KCNJ6: variants seen among roughly 807,000 people sequenced by gnomAD.
KCNJ6 encodes the protein potassium inwardly rectifying channel subfamily J member 6.
KCNJ6 carries 9 observed loss-of-function variants against 34.2 expected under a neutral mutation model. That is an observed-to-expected ratio of 0.26 (90% CI 0.16 to 0.46). KCNJ6 has a LOEUF of 0.46. KCNJ6 is among the 20% of genes least tolerant of loss of function. KCNJ6 has a pLI of 1.00. For synonymous variants in KCNJ6, 196 were observed against 207.1 expected (o/e 0.95, Z 0.46); for missense variants, 236 against 531.3 (o/e 0.44, Z 5.46).
At chr21:37,755,050 G>A (rs1026440873) in intron 2 of KCNJ6, among the ~76,000 whole-genome samples, 18 of 152,324 alleles carry the variant, frequency 1.2e-4, no homozygotes, top group Middle Eastern at 3.4e-3. Context: ...GGCTCTGGAA[G>A]CTGGCCTGAG....
At chr21:37,745,015 A>G (rs1480438398) in intron 2 of KCNJ6, among the ~76,000 whole-genome samples, 1 of 149,940 alleles carries the variant, frequency 6.7e-6, no homozygotes, top group Non-Finnish European at 1.5e-5. Flanking sequence ...GGGAGACAGC[A>G]GAAGAGAGGG....
At chr21:37,892,794 T>G (rs1032225260) in intron 1 of KCNJ6, among the ~76,000 whole-genome samples, 34 of 152,014 alleles carry the variant, frequency 2.2e-4, no homozygotes, top group African/African-American at 8.0e-4. Flanking sequence ...GAAATCACTA[T>G]ACAGGAGAGT....
chr21:37,816,509 C>T (rs1308543379), intron 2 of KCNJ6, among the ~76,000 whole-genome samples: 1 of 152,250 alleles, frequency 6.6e-6, no homozygotes, highest in Non-Finnish European at 1.5e-5. Flanking sequence ...TGTATTTTCT[C>T]TCCTCCTCGC....
intron 3 of KCNJ6, among the ~76,000 whole-genome samples, chr21:37,697,838 C>A (rs1450495129): frequency 6.6e-6 from 1 of 152,192 alleles, no homozygotes; most frequent in Non-Finnish European, 1.5e-5. Context: ...CTAAGTTACA[C>A]TCAGTCTCCT....
chr21:37,820,539 C>A (rs1391871236), intron 2 of KCNJ6, among the ~76,000 whole-genome samples: 1 of 152,136 alleles, frequency 6.6e-6, no homozygotes, highest in Non-Finnish European at 1.5e-5. Flanking sequence ...AGCAGCACAT[C>A]GGGGATCCTA....
chr21:37,734,854 TGTGCTTTCC>T (rs2054904598), intron 2 of KCNJ6, among the ~76,000 whole-genome samples: 1 of 152,202 alleles, frequency 6.6e-6, no homozygotes, highest in Non-Finnish European at 1.5e-5. Context: ...ATTGCTTAAA[TGTGCTTTCC>T]CAAACTCATT....
chr21:37,729,454 G>A (rs1601441888), intron 2 of KCNJ6, among the ~76,000 whole-genome samples: 1 of 152,082 alleles, frequency 6.6e-6, no homozygotes, highest in African/African-American at 2.4e-5. Flanking sequence ...CCCCTAAGTA[G>A]CTGGGACTAT....
At chr21:37,744,670 G>C (rs1406247371) in intron 2 of KCNJ6, among the ~76,000 whole-genome samples, 1 of 152,128 alleles carries the variant, frequency 6.6e-6, no homozygotes, top group Non-Finnish European at 1.5e-5. Flanking sequence ...TGGCAGGCCT[G>C]GTAATTTATC....
At chr21:37,655,219 GTGTGTGAGAGAGAGAGAGA>G (rs2054455427) in intron 3 of KCNJ6, among the ~76,000 whole-genome samples, 60 of 91,672 alleles carry the variant, frequency 6.5e-4, no homozygotes, top group African/African-American at 2.1e-3. Flanking sequence ...GTGTGTGTGT[GTGTGTGAGAGAGAGAGAGA>G]GAGAGAGAGA....
At chr21:37,886,224 T>C (rs1347462016) in intron 1 of KCNJ6, among the ~76,000 whole-genome samples, 2 of 152,150 alleles carry the variant, frequency 1.3e-5, no homozygotes, top group Non-Finnish European at 2.9e-5. Flanking sequence ...TCTTGATCTT[T>C]TGTTATCAGA....
chr21:37,716,111 C>G lies in KCNJ6; in HGVS notation c.26-980G>C, dbSNP rs190106155. Among the ~76,000 whole-genome samples, 8 of 152,316 alleles carry G rather than the reference C, an allele frequency of 5.3e-5. No homozygotes were observed. The East Asian group carries it at 1.5e-3, about 29-fold the overall frequency. On this transcript the variant is annotated intron_variant, in intron 2 of 3. Transcript: ENST00000609713. ...TTTGTAATAAATTGTTCCCTTGTCA[C>G]TTTCCTTATGTTTAGGGCAAGAGTC...
chr21:37,892,417 C>T (rs1313346915), intron 1 of KCNJ6, among the ~76,000 whole-genome samples: 1 of 152,232 alleles, frequency 6.6e-6, no homozygotes, highest in Non-Finnish European at 1.5e-5. Context: ...TTTCTATGCT[C>T]TGACCTCCAG....
chr21:37,655,233 GAGAGAGAGAGAGAGAGA>G (rs2054456914), intron 3 of KCNJ6, among the ~76,000 whole-genome samples: 1 of 2,486 alleles, frequency 4.0e-4, no homozygotes, highest in African/African-American at 1.1e-3. Flanking sequence ...GTGAGAGAGA[GAGAGAGAGAGAGAGAGA>G]GAGAGAGAGA....
At chr21:37,811,190 A>C (rs1336900429) in intron 2 of KCNJ6, among the ~76,000 whole-genome samples, 1 of 151,662 alleles carries the variant, frequency 6.6e-6, no homozygotes, top group Non-Finnish European at 1.5e-5. Flanking sequence ...GTGCACCCCA[A>C]CTCCATGGGG....
intron 3 of KCNJ6, among the ~76,000 whole-genome samples, chr21:37,703,387 G>A (rs537702439): frequency 3.9e-5 from 6 of 152,208 alleles, no homozygotes; most frequent in African/African-American, 9.6e-5. Flanking sequence ...GGAAATGGTC[G>A]TGAGAAGATG....
At chr21:37,833,677 T>C (rs1288799334) in intron 2 of KCNJ6, among the ~76,000 whole-genome samples, 1 of 152,104 alleles carries the variant, frequency 6.6e-6, no homozygotes, top group African/African-American at 2.4e-5. Context: ...CGTGTGTGCA[T>C]ATGCATGTAC....
intron 1 of KCNJ6, among the ~76,000 whole-genome samples, chr21:37,915,319 T>C (rs567105690): frequency 6.6e-6 from 1 of 152,340 alleles, no homozygotes; most frequent in East Asian, 1.9e-4. Flanking sequence ...ATTCACTGTT[T>C]TTAGTCATGC....
chr21:37,669,817 G>T (rs933290286), intron 3 of KCNJ6, among the ~76,000 whole-genome samples: 9 of 152,154 alleles, frequency 5.9e-5, no homozygotes, highest in Non-Finnish European at 1.3e-4. Context: ...CATTCTGTAT[G>T]TTGTCTTTCA....
chr21:37,839,722 T>C (rs765067656), intron 2 of KCNJ6, among the ~76,000 whole-genome samples: 1 of 152,252 alleles, frequency 6.6e-6, no homozygotes, highest in Non-Finnish European at 1.5e-5. Flanking sequence ...CATATGGTCT[T>C]TAATAATTAG....
Sources: gnomAD v4.1 joint callset for allele counts (sites outside exome capture counted in the v4.1 genomes callset) on GRCh38, gnomAD v4.1.1 for gene constraint, MANE v1.5 for transcripts, NCBI Gene and HGNC (gene_info 2026-07-23, HGNC 2026-07-21) for gene names.